Variants in SND1 observed in about 807,000 individuals in gnomAD.
The protein encoded by SND1 is staphylococcal nuclease domain-containing protein 1.
A neutral mutation model predicts 121.7 loss-of-function variants in SND1; 38 were observed. That is an observed-to-expected ratio of 0.31 (90% confidence interval 0.24 to 0.41). The LOEUF is 0.41. Ranked by LOEUF, SND1 falls within the 10% of genes least tolerant of loss-of-function variation. SND1 has a pLI of 1.00. For synonymous variants in SND1, 401 were observed against 447.4 expected (o/e 0.90, Z 1.31); for missense variants, 868 against 1,184.6 (o/e 0.73, Z 3.92).
At chr7:127,734,676 A>G (rs922548435) in intron 10 of SND1, among the ~76,000 whole-genome samples, 6 of 152,108 alleles carry the variant, frequency 3.9e-5, no homozygotes, top group African/African-American at 1.4e-4. Flanking sequence ...TGTGACTGGC[A>G]CCCTAACACA....
intron 1 of SND1, among the ~76,000 whole-genome samples, chr7:127,652,904 C>T (rs1403694887): frequency 6.6e-6 from 1 of 152,188 alleles, no homozygotes; most frequent in Admixed American, 6.5e-5. Flanking sequence ...TTACTTGACT[C>T]CCAAGTTTTC....
chr7:127,725,392 G>A (rs1055586177), intron 10 of SND1, among the ~76,000 whole-genome samples: 9 of 152,164 alleles, frequency 5.9e-5, no homozygotes, highest in African/African-American at 2.2e-4. Context: ...AAGCAGAATG[G>A]AAGCTAAATT....
intron 15 of SND1, among the ~76,000 whole-genome samples, chr7:127,989,368 G>A (rs1300298695): frequency 6.6e-6 from 1 of 152,240 alleles, no homozygotes; most frequent in Non-Finnish European, 1.5e-5. Flanking sequence ...GGGGCTCAGA[G>A]AGAAAGCTCC....
chr7:127,953,754 C>T (rs923780917), intron 15 of SND1, among the ~76,000 whole-genome samples: 1 of 152,140 alleles, frequency 6.6e-6, no homozygotes, highest in Non-Finnish European at 1.5e-5. Context: ...TATTGGAAAA[C>T]AAGTCTTGTT....
intron 12 of SND1, among the ~76,000 whole-genome samples, chr7:127,864,925 A>G (rs1305342257): frequency 6.6e-6 from 1 of 152,138 alleles, no homozygotes; most frequent in Non-Finnish European, 1.5e-5. Flanking sequence ...GGGAGGACCA[A>G]TTTTTATAGG....
In SND1 at chr7:128,029,798, C is replaced by T. The variant is rs1563094473; in HGVS notation, c.1779+38742C>T. ...TCAGCGGGGTAAAGAGGTCATGGGG[C>T]AAAGAAGAGAGGTTATTGTGGGCCA... On this transcript the variant is annotated intron_variant, in intron 16 of 23. Transcript: ENST00000354725. The surrounding 1 kb of genome is among the most constrained non-coding windows in gnomAD (Gnocchi z 4.2). 1 of 1,613,846 alleles carries T rather than the reference C, an allele frequency of 6.2e-7. No individual in the cohort carries two copies. The highest frequency in any genetic ancestry group is 8.5e-7 in the Non-Finnish European group (1 of 1,180,020).
intron 15 of SND1, among the ~76,000 whole-genome samples, chr7:127,947,489 G>T (rs1393552243): frequency 6.6e-6 from 1 of 152,204 alleles, no homozygotes; most frequent in Non-Finnish European, 1.5e-5. Flanking sequence ...GAGAATATCA[G>T]TGTTTTCGTG....
At chr7:127,936,642 G>T (rs935325957) in intron 15 of SND1, among the ~76,000 whole-genome samples, 3 of 151,826 alleles carry the variant, frequency 2.0e-5, no homozygotes, top group Non-Finnish European at 4.4e-5. Context: ...CGAACTCCTG[G>T]GCTCAAGTAA....
rs141816109 is a variant in SND1 at position 127,953,628 on chromosome 7, T to G, written c.1669+24299T>G. On this transcript the variant is annotated intron_variant, in intron 15 of 23. Coordinates refer to ENST00000354725, the MANE Select transcript of SND1 (RefSeq NM_014390.4). ...CCTTTTATTTAGTTTATTGTCATAA[T>G]GACACTAATTGGGGCAGTAAAAGAA... Among the ~76,000 whole-genome samples the G allele has an allele frequency of 3.3e-5, 5 of 152,354 alleles. No individual in the cohort carries two copies. In the East Asian group the frequency reaches 7.7e-4, roughly 24 times the overall value.
intron 15 of SND1, among the ~76,000 whole-genome samples, chr7:127,938,166 T>G (rs573674253): frequency 6.6e-6 from 1 of 152,202 alleles, no homozygotes; most frequent in African/African-American, 2.4e-5. Flanking sequence ...TTCTTTACTT[T>G]TAAAGATATC....
intron 18 of SND1, among the ~76,000 whole-genome samples, chr7:128,083,263 A>G (rs1031496749): frequency 6.6e-6 from 1 of 152,242 alleles, no homozygotes; most frequent in Non-Finnish European, 1.5e-5. Flanking sequence ...GGCAGGAGAC[A>G]AAGTCCTGCT....
intron 11 of SND1, among the ~76,000 whole-genome samples, chr7:127,835,236 C>A (rs2116630969): frequency 6.6e-6 from 1 of 152,206 alleles, no homozygotes; most frequent in East Asian, 1.9e-4. Context: ...ATCATAGTTT[C>A]ATTACTGCTG....
intron 10 of SND1, among the ~76,000 whole-genome samples, chr7:127,777,543 A>G (rs1472793265): frequency 6.6e-6 from 1 of 152,230 alleles, no homozygotes; most frequent in South Asian, 2.1e-4. Context: ...AGGAATGGAC[A>G]GTAGGGACAT....
At chr7:127,694,743 T>A in intron 2 of SND1, 85 bp from the exon 3 acceptor site, 1 of 1,523,942 alleles carries the variant, frequency 6.6e-7, no homozygotes, top group South Asian at 1.2e-5. Context: ...ACTCAGACAT[T>A]TACTGAAGGT....
At chr7:127,906,044 A>G (rs1330061081) in intron 14 of SND1, among the ~76,000 whole-genome samples, 1 of 152,082 alleles carries the variant, frequency 6.6e-6, no homozygotes, top group Non-Finnish European at 1.5e-5. Context: ...CCCCTTGCCT[A>G]GGTGTAGTGG....
intron 10 of SND1, among the ~76,000 whole-genome samples, chr7:127,736,648 T>A (rs1032171497): frequency 2.0e-5 from 3 of 152,200 alleles, no homozygotes; most frequent in Admixed American, 6.5e-5. Flanking sequence ...GGGGCTGATA[T>A]TTAGTCCTGC....
chr7:127,817,964 C>T (rs1004474855), intron 11 of SND1, among the ~76,000 whole-genome samples: 4 of 151,994 alleles, frequency 2.6e-5, no homozygotes, highest in African/African-American at 9.7e-5. Flanking sequence ...TCGAGATCCT[C>T]AATAGATCTT....
chr7:127,790,331 C>T (rs990086785), intron 10 of SND1, among the ~76,000 whole-genome samples: 8 of 152,146 alleles, frequency 5.3e-5, no homozygotes, highest in Non-Finnish European at 8.8e-5. Flanking sequence ...TCCTTAAACA[C>T]GATCAGCTCT....
chr7:128,024,126 GA>G (rs1803422197), intron 16 of SND1, among the ~76,000 whole-genome samples: 1 of 151,578 alleles, frequency 6.6e-6, no homozygotes, highest in Admixed American at 6.6e-5. Context: ...ACTGCTCCAA[GA>G]AGTAATTTAC....
Sources: gnomAD v4.1 joint callset for allele counts (sites outside exome capture counted in the v4.1 genomes callset) on GRCh38, gnomAD v4.1.1 for gene constraint, Gnocchi (gnomAD v3.1) non-coding constraint, MANE v1.5 for transcripts, NCBI Gene and HGNC (gene_info 2026-07-23, HGNC 2026-07-21) for gene names.